ARHGAP6: variants seen among roughly 807,000 people sequenced by gnomAD.
The protein encoded by ARHGAP6 is Rho GTPase activating protein 6.
Under a neutral mutation model 55.7 loss-of-function variants are expected in ARHGAP6, and 16 were observed. The observed-to-expected ratio is 0.29, with a 90% CI of 0.19 to 0.44. The LOEUF is 0.44. ARHGAP6 is among the 20% of genes least tolerant of loss of function. The pLI, the probability that ARHGAP6 is intolerant of heterozygous loss-of-function variation, is 1.00. For synonymous variants in ARHGAP6, 382 were observed against 360.9 expected (o/e 1.06, Z -0.66); for missense variants, 698 against 808.9 (o/e 0.86, Z 1.66).
chrX:11,646,116 G>C (rs982290695), intron 1 of ARHGAP6, among the ~76,000 whole-genome samples: 9 of 111,367 alleles, frequency 8.1e-5, no homozygotes, highest in Non-Finnish European at 1.5e-4. Flanking sequence ...GCAGGAAAGA[G>C]AAAAGCGAAG....
intron 1 of ARHGAP6, among the ~76,000 whole-genome samples, chrX:11,320,823 TAC>T (rs201097078): frequency 1.7e-4 from 18 of 103,212 alleles, no homozygotes; most frequent in East Asian, 3.2e-4. Context: ...GTGTATAATA[TAC>T]ACACACACAC....
chrX:11,584,988 G>A (rs2051712020), intron 1 of ARHGAP6, among the ~76,000 whole-genome samples: 1 of 111,816 alleles, frequency 8.9e-6, no homozygotes, highest in Non-Finnish European at 1.9e-5. Flanking sequence ...GTGTCCATGT[G>A]TTCTCATCAT....
intron 5 of ARHGAP6, 104 bp downstream of exon 5, chrX:11,186,130 TCA>T (rs2062926152): frequency 2.5e-6 from 2 of 785,117 alleles, no homozygotes; most frequent in Non-Finnish European, 1.9e-6. Flanking sequence ...AAATTTCAGT[TCA>T]GAGCTTGATC....
intron 2 of ARHGAP6, among the ~76,000 whole-genome samples, chrX:11,250,636 G>T (rs1271385110): frequency 9.0e-6 from 1 of 111,003 alleles, no homozygotes; most frequent in Non-Finnish European, 1.9e-5. Flanking sequence ...CTCCATCTTT[G>T]AAGCCGGCAA....
At chrX:11,475,849 G>C (rs988187402) in intron 1 of ARHGAP6, among the ~76,000 whole-genome samples, 1 of 107,301 alleles carries the variant, frequency 9.3e-6, no homozygotes, top group Non-Finnish European at 1.9e-5. Flanking sequence ...GTCTAATGAA[G>C]GACTTGTATT....
chrX:11,304,777 C>CTTTTTTTTTTTTTTTTTTTTTTTTT (rs953912280), intron 1 of ARHGAP6, among the ~76,000 whole-genome samples: 1 of 50,308 alleles, frequency 2.0e-5, no homozygotes, highest in Non-Finnish European at 3.7e-5. Flanking sequence ...CTTTCTTTTA[C>CTTTTTTTTTTTTTTTTTTTTTTTTT]TTTTTTTTTT....
intron 1 of ARHGAP6, among the ~76,000 whole-genome samples, chrX:11,413,499 C>A (rs2049711768): frequency 8.9e-6 from 1 of 112,198 alleles, no homozygotes; most frequent in African/African-American, 3.2e-5. Flanking sequence ...AGATGGCTCA[C>A]CCCCAGCTCT....
intron 1 of ARHGAP6, among the ~76,000 whole-genome samples, chrX:11,583,474 C>T (rs778115706): frequency 8.9e-6 from 1 of 112,463 alleles, no homozygotes; most frequent in South Asian, 3.6e-4. Context: ...CTGTTACGAT[C>T]AAATCCTATT....
At chrX:11,331,200 T>A (rs2147634639) in intron 1 of ARHGAP6, among the ~76,000 whole-genome samples, 1 of 112,005 alleles carries the variant, frequency 8.9e-6, no homozygotes, top group Non-Finnish European at 1.9e-5. Flanking sequence ...AAGACTCCTG[T>A]TCCAGACAGG....
At chrX:11,232,738 A>C (rs1221429406) in intron 2 of ARHGAP6, among the ~76,000 whole-genome samples, 1 of 112,474 alleles carries the variant, frequency 8.9e-6, no homozygotes, top group Non-Finnish European at 1.9e-5. Context: ...ATGTGTGGCA[A>C]GTGCCTACTT....
chrX:11,179,765 CAT>C (rs10576783), intron 6 of ARHGAP6, among the ~76,000 whole-genome samples: 22,095 of 97,290 alleles, frequency 0.23, 2,011 homozygotes, highest in Middle Eastern at 0.33. Context: ...TATATGTATA[CAT>C]ATATATATAT....
intron 1 of ARHGAP6, among the ~76,000 whole-genome samples, chrX:11,289,279 T>C (rs2047957906): frequency 1.8e-5 from 2 of 111,612 alleles, no homozygotes; most frequent in Admixed American, 9.5e-5. Flanking sequence ...AGAATGAACA[T>C]TGGATATACC....
At chrX:11,474,477 G>A (rs1165353105) in intron 1 of ARHGAP6, among the ~76,000 whole-genome samples, 1 of 112,356 alleles carries the variant, frequency 8.9e-6, no homozygotes, top group Non-Finnish European at 1.9e-5. Context: ...GAAATGTTTT[G>A]GATGGTGGCA....
intron 1 of ARHGAP6, among the ~76,000 whole-genome samples, chrX:11,625,341 T>G (rs67599061): frequency 0.14 from 15,458 of 109,821 alleles, 1,000 homozygotes; most frequent in Middle Eastern, 0.23. Context: ...GTGTGTGTGT[T>G]TAATAGAATA....
intron 1 of ARHGAP6, among the ~76,000 whole-genome samples, chrX:11,500,135 T>C (rs1236906069): frequency 9.0e-6 from 1 of 111,632 alleles, no homozygotes; most frequent in Non-Finnish European, 1.9e-5. Flanking sequence ...TGAAAGGGCA[T>C]TGAGCCACCT....
At chrX:11,237,719 C>T (rs991909216) in intron 2 of ARHGAP6, among the ~76,000 whole-genome samples, 3 of 111,935 alleles carry the variant, frequency 2.7e-5, no homozygotes, top group African/African-American at 6.5e-5. Flanking sequence ...AATTGACTCT[C>T]GGAGAAAGCA....
chrX:11,459,270 T>C (rs1569352510), intron 1 of ARHGAP6, among the ~76,000 whole-genome samples: 2 of 111,729 alleles, frequency 1.8e-5, no homozygotes, highest in African/African-American at 3.3e-5. Context: ...TTCTTCGAGA[T>C]ATGACTATCT....
chrX:11,578,485 A>G, intron 1 of ARHGAP6, among the ~76,000 whole-genome samples: 1 of 112,270 alleles, frequency 8.9e-6, no homozygotes, highest in East Asian at 2.8e-4. Flanking sequence ...ATGAGATACC[A>G]TCTCATACCA....
chrX:11,474,703 G>A (rs2050385514), intron 1 of ARHGAP6, among the ~76,000 whole-genome samples: 1 of 111,466 alleles, frequency 9.0e-6, no homozygotes. Flanking sequence ...ATCTCATGTT[G>A]ATCTCTGATC....
Sources: gnomAD v4.1 joint callset for allele counts (sites outside exome capture counted in the v4.1 genomes callset) on GRCh38, gnomAD v4.1.1 for gene constraint, MANE v1.5 for transcripts, NCBI Gene and HGNC (gene_info 2026-07-23, HGNC 2026-07-21) for gene names.